The following TOP1 variants were observed in gnomAD, a reference collection of about 807,000 sequenced individuals.
The protein encoded by TOP1 is DNA topoisomerase 1.
A neutral mutation model predicts 111.1 loss-of-function variants in TOP1; 10 were observed. That is an observed-to-expected ratio of 0.09 (90% confidence interval 0.06 to 0.15). The LOEUF (loss-of-function observed/expected upper bound fraction) is 0.15. Among genes scored for constraint, TOP1 ranks in the 10% least tolerant of loss-of-function variants. The pLI is 1.00. For synonymous variants in TOP1, 271 were observed against 302.9 expected, an observed-to-expected ratio of 0.89 and a Z score of 1.10; for missense variants, 474 against 926.7, an observed-to-expected ratio of 0.51 and a Z score of 6.34.
chr20:41,053,137 C>T (rs1363992324), intron 2 of TOP1, among the ~76,000 whole-genome samples: 1 of 152,210 alleles, frequency 6.6e-6, no homozygotes, highest in East Asian at 1.9e-4. Context: ...TAATTTTGCT[C>T]ATTCAGGAGA....
Position 41,109,387 on chromosome 20 carries a change from A to C in TOP1, c.1309-3395A>C, listed in dbSNP as rs2034198528. ...TAAAATATTAAAGCTTGTAGGTGATATCATGGTTGAATATGACCTTAGAGT... is the reference window on the plus strand; with the variant it reads ...TAAAATATTAAAGCTTGTAGGTGATCTCATGGTTGAATATGACCTTAGAGT... On this transcript the variant is annotated intron_variant, in intron 13 of 20. Transcript: ENST00000361337. This position sits in a 1 kb window ranked among gnomAD's most constrained non-coding sequence, Gnocchi z 4.1. 1.3e-5 allele frequency among the ~76,000 whole-genome samples: 2 copies of C among 152,206 alleles called. No homozygotes were observed. The highest frequency in any genetic ancestry group is 4.8e-5 in the African/African-American group (2 of 41,454).
At position 41,114,319 on chromosome 20, in the gene TOP1, C is replaced by T. The variant is rs2034294101; in HGVS notation, c.1638+164C>T. On this transcript the variant is annotated intron_variant, in intron 15 of 20. Transcript: ENST00000361337. This position sits in a 1 kb window ranked among gnomAD's most constrained non-coding sequence, Gnocchi z 4.5. Reference sequence around the variant, plus strand: ...GACCCAGCTATTCAGAAGGCTGAGACAGGAGGATCACTGGAGACCAAAAGT... The same window carrying T: ...GACCCAGCTATTCAGAAGGCTGAGATAGGAGGATCACTGGAGACCAAAAGT... Among the ~76,000 whole-genome samples the T allele has an allele frequency of 6.6e-6, 1 of 152,252 alleles. No homozygotes were observed. Among genetic ancestry groups the T allele is most frequent in the Non-Finnish European group, 1.5e-5 (1 of 68,048 alleles).
intron 8 of TOP1, among the ~76,000 whole-genome samples, chr20:41,088,462 G>A (rs1046165065): frequency 6.6e-6 from 1 of 152,072 alleles, no homozygotes; most frequent in Non-Finnish European, 1.5e-5. Flanking sequence ...GAGATCACGC[G>A]ACTGCACTCC....
chr20:41,108,135 C>T (rs769027396), intron 13 of TOP1, among the ~76,000 whole-genome samples: 3 of 152,290 alleles, frequency 2.0e-5, no homozygotes, highest in East Asian at 1.9e-4. Flanking sequence ...GGCTTTAGGT[C>T]GGCTATATGG....
rs984545428 is a variant in TOP1, at chr20:41,095,587, G to A, written c.731-1633G>A. ...CCTGTTGGCCTTTTAAGTTAATGGCGTCCAAAGTGGGTTCTTTCTATTATA... is the reference window on the plus strand; with the variant it reads ...CCTGTTGGCCTTTTAAGTTAATGGCATCCAAAGTGGGTTCTTTCTATTATA... On this transcript the variant is annotated intron_variant, in intron 9 of 20. Coordinates refer to ENST00000361337, the MANE Select transcript of TOP1 (RefSeq NM_003286.4). This position sits in a 1 kb window ranked among gnomAD's most constrained non-coding sequence, Gnocchi z 4.6. Among the ~76,000 whole-genome samples the A allele has an allele frequency of 6.6e-5, 10 of 152,134 alleles. No individual in the cohort carries two copies. Among genetic ancestry groups the A allele is most frequent in the African/African-American group, 2.2e-4 (9 of 41,432 alleles).
chr20:41,118,336 G>A lies in TOP1; in HGVS notation c.1950+40G>A. On this transcript the variant is annotated intron_variant, in intron 18 of 20. Coordinates refer to ENST00000361337, the MANE Select transcript of TOP1 (RefSeq NM_003286.4). This position sits in a 1 kb window ranked among gnomAD's most constrained non-coding sequence, Gnocchi z 4.6. ...ATGAAGGGAACTGTGTCTGCTGTGG[G>A]CAGATTATCTGCGAATGAGAGGATT... 1.9e-6 allele frequency: 3 copies of A among 1,607,822 alleles called. No individual in the cohort carries two copies. Among genetic ancestry groups the A allele is most frequent in the Non-Finnish European group, 2.6e-6 (3 of 1,175,380 alleles).
At chr20:41,117,675 G>A (rs946052171) in intron 17 of TOP1, among the ~76,000 whole-genome samples, 6 of 152,102 alleles carry the variant, frequency 3.9e-5, no homozygotes, top group Middle Eastern at 3.4e-3. Context: ...GTGAGCCACC[G>A]CGCCCGGCCA....
chr20:41,064,632 T>G (rs2033585542), intron 3 of TOP1, among the ~76,000 whole-genome samples: 1 of 152,210 alleles, frequency 6.6e-6, no homozygotes, highest in Non-Finnish European at 1.5e-5. Flanking sequence ...ATGCTGTTGG[T>G]TCTGTAATAC....
rs910090934 is a variant in TOP1 at position 41,102,943 on chromosome 20, G to A, written c.1308+1590G>A. Among the ~76,000 whole-genome samples, 1 of 152,172 alleles carries A rather than the reference G, an allele frequency of 6.6e-6. No homozygotes were observed. ...ACTTTATGAAGAAAAGTAGGTTATG[G>A]TTGGGTCTTAAAAGTAGTATTTCAA... On this transcript the variant is annotated intron_variant, in intron 13 of 20. Transcript: ENST00000361337. This position sits in a 1 kb window ranked among gnomAD's most constrained non-coding sequence, Gnocchi z 4.0.
At chr20:41,099,584 G>A (rs1395938502) in intron 11 of TOP1, among the ~76,000 whole-genome samples, 2 of 152,040 alleles carry the variant, frequency 1.3e-5, no homozygotes, top group Non-Finnish European at 2.9e-5. Context: ...AGTATAGAGT[G>A]TATATACCTG....
chr20:41,029,322 C>T lies in TOP1; in HGVS notation c.34-109C>T, dbSNP rs2033084570. 9.7e-7 allele frequency: 1 copy of T among 1,027,126 alleles called. No homozygotes were observed. The highest frequency in any genetic ancestry group is 1.4e-6 in the Non-Finnish European group (1 of 737,010). The allele number at this position is 1,027,126 out of a possible 1,614,324, so 63.6% of individuals were successfully genotyped here. On this transcript the variant is annotated intron_variant, in intron 1 of 20. Coordinates refer to ENST00000361337, the MANE Select transcript of TOP1 (RefSeq NM_003286.4). The surrounding 1 kb of genome is among the most constrained non-coding windows in gnomAD (Gnocchi z 6.1). The stretch of plus-strand genomic sequence containing the variant: ...CTGCCCTCTGTGGCCACCCCCGGGT[C>T]CCCGTCCTCCCCGGGGGCGCAGGGT...
chr20:41,112,703 A>G lies in TOP1; in HGVS notation c.1309-79A>G. 1 of 1,506,312 alleles carries G rather than the reference A, an allele frequency of 6.6e-7. No individual in the cohort carries two copies. The highest frequency in any genetic ancestry group is 1.9e-5 in the Admixed American group (1 of 52,694). The allele number at this position is 1,506,312 out of a possible 1,614,324, so 93.3% of individuals were successfully genotyped here. On this transcript the variant is annotated intron_variant, in intron 13 of 20. Coordinates refer to ENST00000361337, the MANE Select transcript of TOP1 (RefSeq NM_003286.4). The surrounding 1 kb of genome is among the most constrained non-coding windows in gnomAD (Gnocchi z 5.8). ...CTAGCTGGGATTATAGGCTTGCGCC[A>G]CCTTGCCTGGCTATATTCAAAGTCT...
Position 41,123,653 on chromosome 20 carries a change from A to G in TOP1, c.*356A>G, listed in dbSNP as rs2034453284. On this transcript the variant is annotated 3_prime_UTR_variant, in exon 21 of 21. Coordinates refer to ENST00000361337, the MANE Select transcript of TOP1 (RefSeq NM_003286.4). This position sits in a 1 kb window ranked among gnomAD's most constrained non-coding sequence, Gnocchi z 5.8. Reference sequence around the variant, plus strand: ...TCTTAGCTACTGTATGCAAAGTCCGATTATATTGGTGCGTTTTTACAGTTA... The same window carrying G: ...TCTTAGCTACTGTATGCAAAGTCCGGTTATATTGGTGCGTTTTTACAGTTA... 1 of 245,380 alleles carries G rather than the reference A, an allele frequency of 4.1e-6. No individual in the cohort carries two copies. The highest frequency in any genetic ancestry group is 7.9e-6 in the Non-Finnish European group (1 of 126,186). 15.2% of individuals were successfully genotyped at this position (245,380 alleles called of 1,614,324 possible).
chr20:41,079,562 T>C lies in TOP1; in HGVS notation c.336-523T>C, dbSNP rs1179994728. Among the ~76,000 whole-genome samples the C allele has an allele frequency of 6.6e-6, 1 of 152,236 alleles. No individual in the cohort carries two copies. Among genetic ancestry groups the C allele is most frequent in the Admixed American group, 6.5e-5 (1 of 15,288 alleles). On this transcript the variant is annotated intron_variant, in intron 5 of 20. Coordinates refer to ENST00000361337, the MANE Select transcript of TOP1 (RefSeq NM_003286.4). This position sits in a 1 kb window ranked among gnomAD's most constrained non-coding sequence, Gnocchi z 4.0. ...AACACGTGCCCTACTTTTGTTGTAA[T>C]GTTGTCAGCTTGGTTATTTTTCCAT...
chr20:41,119,884 A>G (rs539948545), intron 18 of TOP1, among the ~76,000 whole-genome samples: 2 of 152,350 alleles, frequency 1.3e-5, no homozygotes, highest in African/African-American at 4.8e-5. Flanking sequence ...TCCTCATGTT[A>G]TCATTACAAG....
In TOP1 at chr20:41,082,764, A is replaced by G. The variant is rs561381124; in HGVS notation, c.507+1524A>G. ...TGTTAAGTAGTGATTATGGTAGCCA[A>G]TCACTCCACTTGCATATACCAAATC... On this transcript the variant is annotated intron_variant, in intron 7 of 20. Coordinates refer to ENST00000361337, the MANE Select transcript of TOP1 (RefSeq NM_003286.4). The surrounding 1 kb of genome is among the most constrained non-coding windows in gnomAD (Gnocchi z 4.1). 4.8e-4 allele frequency among the ~76,000 whole-genome samples: 73 copies of G among 152,302 alleles called. No homozygotes were observed. The South Asian group carries it at 0.013, about 27-fold the overall frequency.
chr20:41,068,779 C>T (rs1178339765), intron 3 of TOP1, among the ~76,000 whole-genome samples: 2 of 152,198 alleles, frequency 1.3e-5, no homozygotes, highest in Non-Finnish European at 2.9e-5. Flanking sequence ...ATCTCACGAG[C>T]TACCTTTCTT....
chr20:41,077,704 T>C (rs2033745443), intron 5 of TOP1, 67 bp downstream of exon 5: 4 of 1,478,268 alleles, frequency 2.7e-6, no homozygotes, highest in Non-Finnish European at 3.8e-6. Context: ...GCCTGTGTTG[T>C]AGTGTTGTCT....
intron 2 of TOP1, among the ~76,000 whole-genome samples, chr20:41,054,279 T>A (rs2033441489): frequency 6.6e-6 from 1 of 152,062 alleles, no homozygotes; most frequent in Non-Finnish European, 1.5e-5. Flanking sequence ...GTCCGATGGT[T>A]TTATAAGGGG....
Sources: allele counts gnomAD v4.1 joint callset (sites outside exome capture counted in the v4.1 genomes callset), GRCh38; gene constraint gnomAD v4.1.1; non-coding constraint Gnocchi (gnomAD v3.1); transcripts MANE v1.5; gene names NCBI Gene and HGNC (gene_info 2026-07-23, HGNC 2026-07-21).